The following USO1 variants were observed in gnomAD, a reference collection of about 807,000 sequenced individuals.
USO1 encodes the protein USO1 vesicle transport factor.
USO1 carries 57 observed loss-of-function variants against 124.5 expected under a neutral mutation model. The observed-to-expected ratio is 0.46, with a 90% confidence interval of 0.37 to 0.57. The LOEUF (loss-of-function observed/expected upper bound fraction) is 0.57, where lower values mean the gene tolerates loss of function less well. Among genes scored for constraint, USO1 ranks in the 20% least tolerant of loss-of-function variants. The pLI is 0.00. For missense variants in USO1, 900 were observed against 1,040.6 expected, an observed-to-expected ratio of 0.86 and a Z score of 1.86; for synonymous variants, 369 against 362.8, an observed-to-expected ratio of 1.02 and a Z score of -0.19.
chr4:75,777,093 A>ACTTTT (rs1434624133), intron 8 of USO1, among the ~76,000 whole-genome samples: 1 of 152,118 alleles, frequency 6.6e-6, no homozygotes, highest in Non-Finnish European at 1.5e-5. Context: ...TTTTAAAATT[A>ACTTTT]CTTTTCTATC....
intron 1 of USO1, among the ~76,000 whole-genome samples, chr4:75,739,407 A>C (rs770075072): frequency 2.3e-4 from 35 of 152,056 alleles, no homozygotes; most frequent in Non-Finnish European, 4.6e-4. Context: ...GATTCTCCCA[A>C]CATACACATC....
intron 3 of USO1, among the ~76,000 whole-genome samples, chr4:75,756,185 A>AG (rs397994044): frequency 6.6e-6 from 1 of 150,716 alleles, no homozygotes; most frequent in Non-Finnish European, 1.5e-5. Context: ...AAAAAAAAAA[A>AG]GAAGTAGAAC....
At chr4:75,764,576 A>G (rs1013240062) in intron 4 of USO1, among the ~76,000 whole-genome samples, 6 of 152,206 alleles carry the variant, frequency 3.9e-5, no homozygotes, top group African/African-American at 1.2e-4. Flanking sequence ...TCAACATTTT[A>G]AAATACATTT....
intron 8 of USO1, among the ~76,000 whole-genome samples, chr4:75,782,349 CTG>C (rs762068909): frequency 9.9e-5 from 15 of 152,186 alleles, no homozygotes; most frequent in Non-Finnish European, 1.9e-4. Context: ...GAGAAGGCTA[CTG>C]TAAGAGCATG....
Position 75,755,529 on chromosome 4 carries a change from C to T in USO1, c.219-1968C>T, listed in dbSNP as rs539325435. ...GATCTGTGTACTGCCTGTCTAATCTCGTAGACTCGTTTTCAGTTATATTTC... is the reference window on the plus strand; with the variant it reads ...GATCTGTGTACTGCCTGTCTAATCTTGTAGACTCGTTTTCAGTTATATTTC... On this transcript the variant is annotated intron_variant, in intron 3 of 23. Transcript: ENST00000514213. 1.2e-4 allele frequency: 63 copies of T among 514,574 alleles called. 1 individual carries two copies. The highest frequency in any genetic ancestry group is 7.1e-4 in the South Asian group (50 of 70,182). 31.9% of individuals were successfully genotyped at this position (514,574 alleles called of 1,614,324 possible).
At chr4:75,800,074 A>C (rs1722801434) in intron 14 of USO1, among the ~76,000 whole-genome samples, 1 of 151,658 alleles carries the variant, frequency 6.6e-6, no homozygotes, top group Non-Finnish European at 1.5e-5. Flanking sequence ...CAGCCTCCTG[A>C]GTAGCTAGGA....
chr4:75,792,705 A>AT (rs1722566255), intron 12 of USO1, among the ~76,000 whole-genome samples: 1 of 152,150 alleles, frequency 6.6e-6, no homozygotes, highest in Non-Finnish European at 1.5e-5. Flanking sequence ...CCAAAAAAAA[A>AT]CAAAAAATAA....
At chr4:75,765,745 A>G (rs574812633) in intron 4 of USO1, among the ~76,000 whole-genome samples, 2 of 152,180 alleles carry the variant, frequency 1.3e-5, no homozygotes, top group African/African-American at 4.8e-5. Context: ...ATTAGGACAC[A>G]ATTTTATCAG....
chr4:75,800,518 C>CCTTTT (rs1553902601), intron 15 of USO1, 49 bp downstream of exon 15: 1 of 973,206 alleles, frequency 1.0e-6, no homozygotes, highest in African/African-American at 1.8e-5. Context: ...GATAATGATG[C>CCTTTT]TTTTTTTTTT....
rs966139142 is a variant in USO1 at position 75,724,710 on chromosome 4, A to C, written c.-110A>C. ...CCGAGTTGGAGGCGGTGGTGGCAGC[A>C]GTAGGAGTGTGTAGAGTGCGGGATT... On this transcript the variant is annotated 5_prime_UTR_variant, in exon 1 of 24. Coordinates refer to ENST00000514213, the MANE Select transcript of USO1 (RefSeq NM_003715.4). 88 of 1,103,790 alleles carry C rather than the reference A, an allele frequency of 8.0e-5. No individual in the cohort carries two copies. The African/African-American group carries it at 1.3e-3, about 17-fold the overall frequency. The allele number at this position is 1,103,790 out of a possible 1,614,324, so 68.4% of individuals were successfully genotyped here.
At chr4:75,754,805 C>G (rs557524056) in intron 3 of USO1, among the ~76,000 whole-genome samples, 1 of 152,312 alleles carries the variant, frequency 6.6e-6, no homozygotes, top group Non-Finnish European at 1.5e-5. Flanking sequence ...TAAATAATTT[C>G]CACAGCCTCT....
At chr4:75,739,649 T>C (rs182062345) in intron 1 of USO1, among the ~76,000 whole-genome samples, 2 of 148,976 alleles carry the variant, frequency 1.3e-5, no homozygotes, top group African/African-American at 4.9e-5. Flanking sequence ...CGAGTTTAAG[T>C]GATTCTCCTG....
chr4:75,785,707 A>G (rs1445950280), intron 9 of USO1, among the ~76,000 whole-genome samples: 1 of 152,120 alleles, frequency 6.6e-6, no homozygotes, highest in Non-Finnish European at 1.5e-5. Context: ...AACTGCTATT[A>G]GAGGATAGTA....
At chr4:75,801,016 T>C in intron 16 of USO1, 63 bp from the exon 17 acceptor site, 1 of 1,417,152 alleles carries the variant, frequency 7.1e-7, no homozygotes. Flanking sequence ...TTTTACTAAG[T>C]CTTAGTAGTA....
intron 1 of USO1, among the ~76,000 whole-genome samples, chr4:75,730,815 CT>C (rs531138118): frequency 6.9e-4 from 102 of 148,348 alleles, no homozygotes; most frequent in Non-Finnish European, 7.0e-4. Context: ...AATTTGAAAA[CT>C]TTTTTTTTTT....
rs772263736 is a variant in USO1, at chr4:75,812,319, G to A, written c.2743G>A (p.Asp915Asn). Residue 915 changes from aspartate to asparagine, a missense_variant, in exon 23 of 24, where the codon GAT (aspartate) becomes AAT (asparagine). This residue lies in a region of USO1 where 362 missense variants were observed against 359.0 expected (regional missense o/e 1.01). Transcript: ENST00000514213. ...AGATGATCTCTTGGTGCTCTTGGCC[G>A]ATCAAGATCAGAAAATACTGTCATT... ...EQDDLLVLLA[D>N]QDQKILSLKN... 6 of 1,604,260 alleles carry A rather than the reference G, an allele frequency of 3.7e-6. No homozygotes were observed. The highest frequency in any genetic ancestry group is 3.4e-6 in the Non-Finnish European group (4 of 1,175,182).
Position 75,790,736 on chromosome 4 carries a change from G to C in USO1, c.1179G>C (p.Leu393Phe). The C allele has an allele frequency of 6.2e-7, 1 of 1,613,296 alleles. No homozygotes were observed. The highest frequency in any genetic ancestry group is 8.5e-7 in the Non-Finnish European group (1 of 1,179,592). The change falls in exon 12 of 24, where the codon TTG becomes TTC. Residue 393 changes from leucine (L) to phenylalanine (F), a missense_variant. Leu to Phe is a conservative substitution (Grantham distance 22). This residue lies in a region of USO1 where 538 missense variants were observed against 681.6 expected (regional missense o/e 0.79). Transcript: ENST00000514213. The part of the protein sequence containing the change: ...CAVLYCFQCF[L>F]YKNQKGQGEI... ...TTCTCTATTGTTTCCAGTGTTTCTT[G>C]TATAAAAACCAAAAAGGACAAGGAG...
intron 1 of USO1, among the ~76,000 whole-genome samples, chr4:75,731,429 G>A (rs912491978): frequency 3.9e-5 from 6 of 152,142 alleles, no homozygotes; most frequent in Non-Finnish European, 8.8e-5. Flanking sequence ...GGACATGGTG[G>A]CAGGTGCCTG....
Position 75,731,076 on chromosome 4 carries a change from T to C in USO1, c.66+6191T>C, listed in dbSNP as rs558203790. On this transcript the variant is annotated intron_variant, in intron 1 of 23. Coordinates refer to ENST00000514213, the MANE Select transcript of USO1 (RefSeq NM_003715.4). Reference sequence around the variant, plus strand: ...AGAGCATGGAGAATAAATGAAGCAGTATATTACTTGGCTGACTTAAGGTAA... The same window carrying C: ...AGAGCATGGAGAATAAATGAAGCAGCATATTACTTGGCTGACTTAAGGTAA... 3.9e-5 allele frequency among the ~76,000 whole-genome samples: 6 copies of C among 152,340 alleles called. No individual in the cohort carries two copies. The South Asian group carries it at 1.2e-3, about 32-fold the overall frequency.
Sources: gnomAD v4.1 joint callset for allele counts (sites outside exome capture counted in the v4.1 genomes callset) on GRCh38, gnomAD v4.1.1 for gene constraint, gnomAD v4.1.1 regional missense constraint, MANE v1.5 for transcripts, NCBI Gene and HGNC (gene_info 2026-07-23, HGNC 2026-07-21) for gene names.